Variants in TNR observed in about 807,000 individuals in gnomAD.
TNR encodes tenascin-R.
A neutral mutation model predicts 150.4 loss-of-function variants in TNR; 45 were observed. That is an observed-to-expected ratio of 0.30 (90% CI 0.24 to 0.38). The LOEUF (loss-of-function observed/expected upper bound fraction) is 0.38. TNR is among the 10% of genes least tolerant of loss of function. The pLI is 1.00. For missense variants in TNR, 1,544 were observed against 1,759.1 expected (o/e 0.88, Z 2.19); for synonymous variants, 687 against 678.4 (o/e 1.01, Z -0.20).
rs1397819175 is a variant in TNR at position 175,653,438 on chromosome 1, G to A, written c.-165+89788C>T. 2.0e-5 allele frequency among the ~76,000 whole-genome samples: 3 copies of A among 152,040 alleles called. 1 individual carries two copies. The highest frequency in any genetic ancestry group is 7.2e-5 in the African/African-American group (3 of 41,408). On this transcript the variant is annotated intron_variant, in intron 1 of 22. Transcript: ENST00000367674. ...AAAGCTCAAAACAACACTATATATG[G>A]TATTTTAAAACAAAACAAAAACAAA... is the stretch of plus-strand genomic sequence containing the variant.
At chr1:175,477,117 TG>T (rs1430677169) in intron 2 of TNR, among the ~76,000 whole-genome samples, 9 of 152,136 alleles carry the variant, frequency 5.9e-5, no homozygotes, top group Non-Finnish European at 1.2e-4. Flanking sequence ...ATAACAACCA[TG>T]GATCATTTTT....
intron 1 of TNR, among the ~76,000 whole-genome samples, chr1:175,622,401 T>C (rs1664005644): frequency 1.3e-5 from 2 of 152,136 alleles, no homozygotes; most frequent in African/African-American, 4.8e-5. Flanking sequence ...CCCTCCTTCT[T>C]TTTCTGGCCA....
At chr1:175,444,389 G>T (rs1655936115) in intron 2 of TNR, among the ~76,000 whole-genome samples, 1 of 152,258 alleles carries the variant, frequency 6.6e-6, no homozygotes, top group Non-Finnish European at 1.5e-5. Context: ...GGAATCTGGG[G>T]ACATGCCAAG....
At position 175,330,394 on chromosome 1, in the gene TNR, C is replaced by A. The variant is rs534691509; in HGVS notation, c.3632-159G>T. ...CTTCACAGGTTGTTATCAAATGGAC[C>A]CTGCCAGACTGAATTTCTTCCTGCA... On this transcript the variant is annotated intron_variant, in intron 20 of 22. Transcript: ENST00000367674. 7.8e-5 allele frequency: 55 copies of A among 704,970 alleles called. No homozygotes were observed. The South Asian group carries it at 1.8e-3, about 23-fold the overall frequency. The allele number at this position is 704,970 out of a possible 1,614,324, so 43.7% of individuals were successfully genotyped here. A position where few individuals can be genotyped will look rare whatever the true frequency, so the allele number is the denominator to read the frequency against.
At chr1:175,698,678 TA>T (rs1666600907) in intron 1 of TNR, among the ~76,000 whole-genome samples, 1 of 152,120 alleles carries the variant, frequency 6.6e-6, no homozygotes, top group African/African-American at 2.4e-5. Context: ...CCTTCTCTAC[TA>T]AAAGTACAAA....
rs746831837 is a variant in TNR, at chr1:175,324,538, C to T, written c.3794-19G>A. On this transcript the variant is annotated intron_variant, in intron 21 of 22. Transcript: ENST00000367674. ...GAGTCCCCTGCAAAAAAGATACATTCATTAGGCTGTCCCATTTGTCACTGC... is the reference window on the plus strand; with the variant it reads ...GAGTCCCCTGCAAAAAAGATACATTTATTAGGCTGTCCCATTTGTCACTGC... The T allele has an allele frequency of 6.2e-7, 1 of 1,611,156 alleles. No individual in the cohort carries two copies. Among genetic ancestry groups the T allele is most frequent in the Non-Finnish European group, 8.5e-7 (1 of 1,178,546 alleles).
intron 2 of TNR, among the ~76,000 whole-genome samples, chr1:175,414,991 G>T (rs1476392518): frequency 6.6e-6 from 1 of 151,534 alleles, no homozygotes; most frequent in Non-Finnish European, 1.5e-5. Context: ...CGTGAAGGTT[G>T]TTGGGCAGGG....
At chr1:175,568,985 T>A (rs942383746) in intron 1 of TNR, among the ~76,000 whole-genome samples, 1 of 151,928 alleles carries the variant, frequency 6.6e-6, no homozygotes, top group Non-Finnish European at 1.5e-5. Context: ...TTTTTTCTAG[T>A]CTCAGTATTT....
intron 1 of TNR, among the ~76,000 whole-genome samples, chr1:175,667,667 A>C (rs1665571058): frequency 6.6e-6 from 1 of 152,224 alleles, no homozygotes; most frequent in African/African-American, 2.4e-5. Flanking sequence ...TGTCGGGAGC[A>C]GCTGATGTGT....
chr1:175,331,050 TTTC>T (rs1557867605), intron 20 of TNR, among the ~76,000 whole-genome samples: 74 of 95,764 alleles, frequency 7.7e-4, no homozygotes, highest in African/African-American at 2.8e-3. Flanking sequence ...TCTTTCTTTC[TTTC>T]TTTCTTTCTT....
chr1:175,363,818 G>A lies in TNR; in HGVS notation c.2597C>T (p.Pro866Leu), dbSNP rs769303949. Residue 866 changes from proline (P) to leucine (L), a missense_variant, in exon 13 of 23, where the codon CCC (proline) becomes CTC (leucine). Coordinates refer to ENST00000367674, the MANE Select transcript of TNR (RefSeq NM_003285.3). ...IVGSITTGID[P>L]PKDITISNVT... ...ATTGCTAATTGTGATGTCTTTTGGG[G>A]GATCAATTCCTACAAGGACCCAGTG... 1 of 1,611,354 alleles carries A rather than the reference G, an allele frequency of 6.2e-7. No individual in the cohort carries two copies. Among genetic ancestry groups the A allele is most frequent in the South Asian group, 1.1e-5 (1 of 90,490 alleles).
chr1:175,381,869 G>A (rs774409580), intron 8 of TNR, among the ~76,000 whole-genome samples: 5 of 152,216 alleles, frequency 3.3e-5, no homozygotes, highest in South Asian at 2.1e-4. Flanking sequence ...CTCCATGTAC[G>A]ACTTCTAAAC....
chr1:175,403,308 A>T lies in TNR; in HGVS notation c.808T>A (p.Cys270Ser). The change falls in exon 4 of 23, where the codon TGT becomes AGT. Residue 270 changes from cysteine (C) to serine (S), a missense_variant. By Grantham distance (112) the Cys-to-Ser change is moderately radical. This residue lies in a region of TNR where 1,254 missense variants were observed against 1,329.4 expected (regional missense o/e 0.94). Transcript: ENST00000367674. ...TTGGCACATCTCCCCTTCCCCGAAC[A>T]GTCCCCAGGGCACCTCAGTTCCCTG... Reference protein sequence around the residue: ...DCRELRCPGDCSGKGRCANGT... With the variant: ...DCRELRCPGDSSGKGRCANGT... 6.2e-7 allele frequency: 1 copy of T among 1,614,108 alleles called. No homozygotes were observed. Among genetic ancestry groups the T allele is most frequent in the Non-Finnish European group, 8.5e-7 (1 of 1,180,006 alleles).
chr1:175,470,952 A>G (rs1003080035), intron 2 of TNR, among the ~76,000 whole-genome samples: 2 of 152,202 alleles, frequency 1.3e-5, no homozygotes, highest in Non-Finnish European at 2.9e-5. Flanking sequence ...TGTAGCAGAG[A>G]GTCAGGTAAA....
chr1:175,699,705 G>A (rs1170086651), intron 1 of TNR, among the ~76,000 whole-genome samples: 3 of 152,128 alleles, frequency 2.0e-5, no homozygotes, highest in Non-Finnish European at 4.4e-5. Context: ...GTGGTGGCCA[G>A]CGACTGACAG....
chr1:175,668,466 C>G (rs749072811), intron 1 of TNR, among the ~76,000 whole-genome samples: 2 of 152,128 alleles, frequency 1.3e-5, no homozygotes, highest in Non-Finnish European at 2.9e-5. Context: ...GGGGCTCTTC[C>G]TAAGCATGGC....
At chr1:175,518,445 A>G (rs1659501786) in intron 2 of TNR, among the ~76,000 whole-genome samples, 1 of 152,126 alleles carries the variant, frequency 6.6e-6, no homozygotes, top group Non-Finnish European at 1.5e-5. Context: ...AAATACCATC[A>G]CAAGGCTCCT....
At chr1:175,394,050 G>A (rs1247461748) in intron 5 of TNR, among the ~76,000 whole-genome samples, 155 bp from the exon 6 acceptor site, 1 of 152,230 alleles carries the variant, frequency 6.6e-6, no homozygotes, top group African/African-American at 2.4e-5. Context: ...TGAGTCCCAG[G>A]TGCAGAATCA....
At chr1:175,590,925 A>T (rs1662774025) in intron 1 of TNR, among the ~76,000 whole-genome samples, 1 of 152,240 alleles carries the variant, frequency 6.6e-6, no homozygotes, top group Non-Finnish European at 1.5e-5. Context: ...CGCTAGTTAT[A>T]GCAGACAGGG....
Sources: gnomAD v4.1 joint callset for allele counts (sites outside exome capture counted in the v4.1 genomes callset) on GRCh38, gnomAD v4.1.1 for gene constraint, gnomAD v4.1.1 regional missense constraint, MANE v1.5 for transcripts, NCBI Gene and HGNC (gene_info 2026-07-23, HGNC 2026-07-21) for gene names.